BRF1: variants seen among roughly 807,000 people sequenced by gnomAD.
BRF1 encodes the protein BRF1 general transcription factor IIIB subunit, also known as transcription factor IIIB 90 kDa subunit.
BRF1 carries 59 observed loss-of-function variants against 81.7 expected under a neutral mutation model. That is an observed-to-expected ratio of 0.72 (90% confidence interval 0.59 to 0.90). BRF1 has a LOEUF of 0.90. Ranked by LOEUF, BRF1 falls within the 40% of genes least tolerant of loss-of-function variation. The probability of loss-of-function intolerance (pLI) is 0.00; values close to 1 mark genes in which losing one functional copy is unlikely to be tolerated. For synonymous variants in BRF1, 491 were observed against 395.6 expected, an observed-to-expected ratio of 1.24 and a Z score of -2.86; for missense variants, 1,050 against 936.3, an observed-to-expected ratio of 1.12 and a Z score of -1.58.
At chr14:105,246,293 T>G (rs587765662) in intron 5 of BRF1, among the ~76,000 whole-genome samples, 13 of 151,678 alleles carry the variant, frequency 8.6e-5, no homozygotes, top group Admixed American at 4.6e-4. Flanking sequence ...AGCACATGAG[T>G]AGATGGTCAA....
intron 1 of BRF1, among the ~76,000 whole-genome samples, chr14:105,299,290 G>C (rs1383171507): frequency 2.6e-5 from 4 of 152,162 alleles, no homozygotes; most frequent in Non-Finnish European, 5.9e-5. Context: ...AAAAATGAGA[G>C]TCAGGGTGTG....
intron 11 of BRF1, among the ~76,000 whole-genome samples, chr14:105,220,462 C>G (rs1892103019): frequency 6.6e-6 from 1 of 152,198 alleles, no homozygotes; most frequent in Non-Finnish European, 1.5e-5. Flanking sequence ...GGCACGGAAG[C>G]TGGGCAGGAA....
Position 105,220,107 on chromosome 14 carries a change from G to T in BRF1, c.1339C>A (p.Leu447Met). 6.2e-7 allele frequency: 1 copy of T among 1,613,436 alleles called. No individual in the cohort carries two copies. ...AGGTCATCAATGCCACTGAGGTCCA[G>T]CTCACCGTCTCCTGAAGCATCTTCT... ...DPKDASGDGE[L>M]DLSGIDDLEI... The change falls in exon 12 of 18, where the codon CTG (leucine) becomes ATG (methionine). Residue 447 changes from leucine to methionine, a missense_variant. Transcript: ENST00000547530.
chr14:105,312,873 T>C (rs961683656), intron 1 of BRF1, among the ~76,000 whole-genome samples: 1 of 152,158 alleles, frequency 6.6e-6, no homozygotes, highest in African/African-American at 2.4e-5. Context: ...GCAGAAGCAT[T>C]GATGTAGACC....
intron 4 of BRF1, 63 bp from the exon 5 acceptor site, chr14:105,252,642 C>A: frequency 6.5e-7 from 1 of 1,540,368 alleles, no homozygotes; most frequent in Non-Finnish European, 8.9e-7. Context: ...TGCTTTTTTT[C>A]TCTTAAAATG....
intron 4 of BRF1, among the ~76,000 whole-genome samples, chr14:105,255,565 T>C (rs1158262130): frequency 1.3e-5 from 2 of 152,218 alleles, no homozygotes; most frequent in Non-Finnish European, 2.9e-5. Flanking sequence ...AATTCTGCAC[T>C]GTGGTCACAA....
rs1418011447 is a variant in BRF1, at chr14:105,271,487, G to A, written c.439+1234C>T. 1.3e-5 allele frequency among the ~76,000 whole-genome samples: 2 copies of A among 152,318 alleles called. No individual in the cohort carries two copies. Among genetic ancestry groups the A allele is most frequent in the Non-Finnish European group, 2.9e-5 (2 of 68,034 alleles). ...GCCACGCCCACCAGACACAGGGCAG[G>A]GAGGGGGACCACCTTCAGAGGGGCG... On this transcript the variant is annotated intron_variant, in intron 3 of 17. Coordinates refer to ENST00000547530, the MANE Select transcript of BRF1 (RefSeq NM_001519.4). The surrounding 1 kb of genome is among the most constrained non-coding windows in gnomAD (Gnocchi z 5.5).
At chr14:105,263,552 C>T (rs2056259061) in intron 3 of BRF1, among the ~76,000 whole-genome samples, 1 of 152,160 alleles carries the variant, frequency 6.6e-6, no homozygotes, top group South Asian at 2.1e-4. Context: ...CTGCCACGAT[C>T]CTTCAGCCGG....
intron 5 of BRF1, chr14:105,242,364 T>C (rs1200834612): frequency 1.3e-5 from 2 of 152,180 alleles, no homozygotes; most frequent in East Asian, 1.9e-4. Flanking sequence ...AATTAGATAA[T>C]TTAAAACAAT....
chr14:105,251,979 A>G (rs899531437), intron 5 of BRF1, among the ~76,000 whole-genome samples: 1 of 152,146 alleles, frequency 6.6e-6, no homozygotes, highest in Non-Finnish European at 1.5e-5. Flanking sequence ...AAGTGGCAGA[A>G]AAACCACAAA....
intron 5 of BRF1, chr14:105,247,628 G>A (rs1173017276): frequency 2.7e-5 from 27 of 985,252 alleles, no homozygotes; most frequent in Non-Finnish European, 3.3e-5. Context: ...GCCCAGGACT[G>A]CGGTGACAGG....
At chr14:105,288,576 C>A (rs997482792) in intron 1 of BRF1, among the ~76,000 whole-genome samples, 3 of 151,888 alleles carry the variant, frequency 2.0e-5, no homozygotes, top group African/African-American at 4.8e-5. Flanking sequence ...GATCGCCCAA[C>A]CCAGGAGTTC....
At chr14:105,247,583 G>A (rs1353878873) in intron 5 of BRF1, 2 of 985,230 alleles carry the variant, frequency 2.0e-6, no homozygotes, top group Non-Finnish European at 1.2e-6. Context: ...CAACTGTAAC[G>A]ACCACAGAGA....
chr14:105,253,375 G>C (rs1376194180), intron 4 of BRF1, among the ~76,000 whole-genome samples: 3 of 152,192 alleles, frequency 2.0e-5, no homozygotes, highest in East Asian at 3.9e-4. Flanking sequence ...CCCACACTTG[G>C]CTGTCTTCAT....
chr14:105,272,268 C>T (rs587663203), intron 3 of BRF1, among the ~76,000 whole-genome samples: 7 of 152,052 alleles, frequency 4.6e-5, no homozygotes, highest in South Asian at 2.1e-4. Context: ...TGAGGGTCGG[C>T]GGCCTCCCCA....
At chr14:105,263,838 T>C (rs1289834897) in intron 3 of BRF1, among the ~76,000 whole-genome samples, 3 of 150,120 alleles carry the variant, frequency 2.0e-5, no homozygotes, top group Non-Finnish European at 4.4e-5. Context: ...GGCAGGAGAA[T>C]GGCATGAACC....
At chr14:105,215,280 A>G (rs1890921869) in intron 15 of BRF1, among the ~76,000 whole-genome samples, 1 of 152,058 alleles carries the variant, frequency 6.6e-6, no homozygotes, top group Non-Finnish European at 1.5e-5. Context: ...ACACACGTGT[A>G]CATAGAGACA....
At chr14:105,221,574 C>T in intron 11 of BRF1, 74 bp downstream of exon 11, 1 of 1,542,356 alleles carries the variant, frequency 6.5e-7, no homozygotes, top group East Asian at 2.3e-5. Flanking sequence ...GCATCCGGCT[C>T]TCCCCATGAG....
chr14:105,299,208 T>A (rs1261549091), intron 1 of BRF1, among the ~76,000 whole-genome samples: 1 of 151,760 alleles, frequency 6.6e-6, no homozygotes, highest in African/African-American at 2.4e-5. Flanking sequence ...AAATCACATA[T>A]ACAACAAAGG....
Sources: allele counts gnomAD v4.1 joint callset (sites outside exome capture counted in the v4.1 genomes callset), GRCh38; gene constraint gnomAD v4.1.1; non-coding constraint Gnocchi (gnomAD v3.1); transcripts MANE v1.5; gene names NCBI Gene and HGNC (gene_info 2026-07-23, HGNC 2026-07-21).